Variants in GSE1 observed in about 807,000 individuals in gnomAD.
GSE1 encodes genetic suppressor element 1.
A neutral mutation model predicts 112.6 loss-of-function variants in GSE1; 32 were observed. The ratio of observed to expected loss-of-function variants is 0.28; its 90% CI spans 0.21 to 0.38. The LOEUF is 0.38. GSE1 is among the 10% of genes least tolerant of loss of function. The pLI is 1.00. For missense variants in GSE1, 2,348 were observed against 1,699.2 expected, an observed-to-expected ratio of 1.38 and a Z score of -6.71; for synonymous variants, 1,115 against 735.6, an observed-to-expected ratio of 1.52 and a Z score of -8.35.
intron 1 of GSE1, among the ~76,000 whole-genome samples, chr16:85,282,671 T>C (rs1396054650): frequency 6.6e-6 from 1 of 152,254 alleles, no homozygotes; most frequent in Non-Finnish European, 1.5e-5. Context: ...TTGGAGGATT[T>C]TTATGAATTA....
At chr16:85,431,322 G>C (rs926008240) in intron 2 of GSE1, among the ~76,000 whole-genome samples, 1 of 152,258 alleles carries the variant, frequency 6.6e-6, no homozygotes, top group African/African-American at 2.4e-5. Flanking sequence ...CCAGCCCGCG[G>C]TGCCGCATGA....
chr16:85,301,018 T>A (rs1264854357), intron 1 of GSE1, among the ~76,000 whole-genome samples: 4 of 152,122 alleles, frequency 2.6e-5, no homozygotes, highest in Non-Finnish European at 4.4e-5. Flanking sequence ...TGTTCCCTCC[T>A]CCAGGGGCCA....
rs769247889 is a variant in GSE1, at chr16:85,656,466, A to AGAGAAGGAGCGTGAGCGT, written c.1125_1142dup (p.Lys379_Glu384dup). The AGAGAAGGAGCGTGAGCGT allele has an allele frequency of 8.1e-5, 124 of 1,526,142 alleles. No homozygotes were observed. The African/African-American group carries it at 1.2e-3, about 14-fold the overall frequency. The allele number at this position is 1,526,142 out of a possible 1,614,324, so 94.5% of individuals were successfully genotyped here. A position where few individuals can be genotyped will look rare whatever the true frequency, so the allele number is the denominator to read the frequency against. On this transcript the variant is annotated inframe_insertion, in exon 7 of 16. Coordinates refer to ENST00000253458, the MANE Select transcript of GSE1 (RefSeq NM_014615.5). The stretch of plus-strand genomic sequence containing the variant: ...GCGAACGCGAGAAGGAGCGCGAGCA[A>AGAGAAGGAGCGTGAGCGT]GAGAAGGAGCGTGAGCGTGAGAAGG...
chr16:85,519,544 T>C (rs745521742), intron 2 of GSE1, among the ~76,000 whole-genome samples: 6,759 of 10,310 alleles, frequency 0.66, 2,971 homozygotes, highest in Middle Eastern at 0.94. Flanking sequence ...CCATCATCAC[T>C]ATTACCACCA....
rs562993828 is a variant in GSE1, at chr16:85,636,592, G to A, written c.226+2460G>A. Among the ~76,000 whole-genome samples, 457 of 152,324 alleles carry A rather than the reference G, an allele frequency of 3.0e-3. 1 individual carries two copies. Among genetic ancestry groups the A allele is most frequent in the African/African-American group, 0.011 (437 of 41,568 alleles). ...CCGGCAGCCCTCCCGGGACCCTCGG[G>A]CAGCTGAGAAGGCCAAAGTTCAGAG... is the stretch of plus-strand genomic sequence containing the variant. On this transcript the variant is annotated intron_variant, in intron 2 of 15. Transcript: ENST00000253458.
At chr16:85,272,079 CA>C (rs1262606639) in intron 1 of GSE1, among the ~76,000 whole-genome samples, 4 of 152,228 alleles carry the variant, frequency 2.6e-5, no homozygotes, top group African/African-American at 9.6e-5. Context: ...CAGATGGCCC[CA>C]GACCCGTATC....
At chr16:85,258,563 G>C (rs1907327333) in intron 1 of GSE1, among the ~76,000 whole-genome samples, 1 of 152,106 alleles carries the variant, frequency 6.6e-6, no homozygotes, top group African/African-American at 2.4e-5. Flanking sequence ...TCCAGGTGGA[G>C]GGGGAGCTGG....
intron 2 of GSE1, among the ~76,000 whole-genome samples, chr16:85,451,074 C>CAA (rs57839123): frequency 2.1e-3 from 134 of 64,078 alleles, no homozygotes; most frequent in Non-Finnish European, 3.0e-3. Flanking sequence ...AACGCCATCT[C>CAA]AAAAAAAAAA....
At chr16:85,614,427 C>T (rs999351220) in intron 1 of GSE1, among the ~76,000 whole-genome samples, 12 of 152,254 alleles carry the variant, frequency 7.9e-5, no homozygotes, top group Non-Finnish European at 1.6e-4. Flanking sequence ...TTTCCGCCTC[C>T]CCTCCCCAGC....
intron 1 of GSE1, among the ~76,000 whole-genome samples, chr16:85,222,795 C>G (rs1194219645): frequency 2.0e-5 from 3 of 152,168 alleles, no homozygotes; most frequent in Non-Finnish European, 2.9e-5. Flanking sequence ...GATTTTCTGT[C>G]TCACTGGTCT....
rs549856547 is a variant in GSE1, at chr16:85,663,450, C to A, written c.2480C>A (p.Pro827Gln). ...CGGAGGATGCTGCGAGAGAGAAGCCCGTCGCCCCCAACAATTCAGAGCAAG... is the reference window on the plus strand; with the variant it reads ...CGGAGGATGCTGCGAGAGAGAAGCCAGTCGCCCCCAACAATTCAGAGCAAG... ...KRRRMLRERS[P>Q]SPPTIQSKRQ... The change falls in exon 11 of 16, where the codon CCG becomes CAG. Residue 827 changes from proline (P) to glutamine (Q), a missense_variant. By Grantham distance (76) the Pro-to-Gln change is moderately conservative. Coordinates refer to ENST00000253458, the MANE Select transcript of GSE1 (RefSeq NM_014615.5). The A allele has an allele frequency of 6.2e-7, 1 of 1,613,838 alleles. No individual in the cohort carries two copies.
chr16:85,618,206 C>T (rs963942238), intron 1 of GSE1, among the ~76,000 whole-genome samples: 5 of 151,872 alleles, frequency 3.3e-5, no homozygotes, highest in Non-Finnish European at 5.9e-5. Context: ...ACTGAGGTGG[C>T]GTGAGGGGGG....
intron 1 of GSE1, among the ~76,000 whole-genome samples, chr16:85,183,797 A>G (rs1369105972): frequency 1.3e-5 from 2 of 152,188 alleles, no homozygotes; most frequent in South Asian, 2.1e-4. Flanking sequence ...ACACGTGCCA[A>G]GGTCAGAGCT....
At chr16:85,356,400 C>T (rs1190603226) in intron 1 of GSE1, among the ~76,000 whole-genome samples, 8 of 152,334 alleles carry the variant, frequency 5.3e-5, no homozygotes, top group Non-Finnish European at 1.0e-4. Context: ...GGGAGGGACA[C>T]GGCTGTCAGT....
intron 1 of GSE1, among the ~76,000 whole-genome samples, chr16:85,270,895 A>T (rs1908763839): frequency 6.6e-6 from 1 of 151,992 alleles, no homozygotes; most frequent in South Asian, 2.1e-4. Context: ...GAAAGAAGGC[A>T]CCCGGTGCAG....
chr16:85,404,560 GC>G (rs1379894779), intron 2 of GSE1, among the ~76,000 whole-genome samples: 5 of 67,432 alleles, frequency 7.4e-5, no homozygotes, highest in East Asian at 7.2e-4. Context: ...TACTCTCAGG[GC>G]CCCCCTGGAT....
chr16:85,209,141 T>C (rs1424817642), intron 1 of GSE1, among the ~76,000 whole-genome samples: 1 of 152,230 alleles, frequency 6.6e-6, no homozygotes, highest in Non-Finnish European at 1.5e-5. Flanking sequence ...GTGTGTTTAC[T>C]GAGTCCAGTG....
intron 2 of GSE1, among the ~76,000 whole-genome samples, chr16:85,369,102 A>G (rs1597504830): frequency 6.6e-6 from 1 of 152,206 alleles, no homozygotes; most frequent in East Asian, 1.9e-4. Context: ...TCACGAGGCT[A>G]AATTCGAGGT....
intron 2 of GSE1, among the ~76,000 whole-genome samples, chr16:85,451,073 TCAA>T (rs1264988223): frequency 0.018 from 468 of 26,478 alleles, 2 homozygotes; most frequent in African/African-American, 0.073. Context: ...AAACGCCATC[TCAA>T]AAAAAAAAAA....
Sources: allele counts gnomAD v4.1 joint callset (sites outside exome capture counted in the v4.1 genomes callset), GRCh38; gene constraint gnomAD v4.1.1; transcripts MANE v1.5; gene names NCBI Gene and HGNC (gene_info 2026-07-23, HGNC 2026-07-21).